SHANK2: variants seen among roughly 807,000 people sequenced by gnomAD.
SHANK2 encodes SH3 and multiple ankyrin repeat domains 2.
Under a neutral mutation model 133.7 loss-of-function variants are expected in SHANK2, and 43 were observed. That is an observed-to-expected ratio of 0.32 (90% CI 0.25 to 0.41). The LOEUF (loss-of-function observed/expected upper bound fraction) is 0.41, where lower values mean the gene tolerates loss of function less well. SHANK2 is among the 10% of genes least tolerant of loss of function. The pLI is 1.00. For missense variants in SHANK2, 1,994 were observed against 2,235.8 expected, an observed-to-expected ratio of 0.89 and a Z score of 2.18; for synonymous variants, 1,017 against 952.8, an observed-to-expected ratio of 1.07 and a Z score of -1.24.
At chr11:70,869,297 T>C (rs113356457) in intron 11 of SHANK2, among the ~76,000 whole-genome samples, 3 of 152,106 alleles carry the variant, frequency 2.0e-5, no homozygotes, top group Admixed American at 6.5e-5. Context: ...TCATACACCA[T>C]AGATCCCGAC....
chr11:70,664,287 C>A (rs1213625862), intron 15 of SHANK2, among the ~76,000 whole-genome samples: 1 of 152,176 alleles, frequency 6.6e-6, no homozygotes, highest in African/African-American at 2.4e-5. Flanking sequence ...GGAGTCAGCC[C>A]ACCCCGGCCC....
intron 10 of SHANK2, among the ~76,000 whole-genome samples, chr11:70,955,523 T>C (rs1177528023): frequency 1.3e-5 from 2 of 152,076 alleles, no homozygotes; most frequent in African/African-American, 2.4e-5. Context: ...TGTGTCTATG[T>C]ATATATTTGT....
chr11:70,583,064 G>A (rs1349496005), intron 17 of SHANK2, among the ~76,000 whole-genome samples: 1 of 152,148 alleles, frequency 6.6e-6, no homozygotes, highest in Non-Finnish European at 1.5e-5. Flanking sequence ...GGGGGACAGA[G>A]GGAAGATTGG....
intron 2 of SHANK2, among the ~76,000 whole-genome samples, chr11:71,204,983 C>A (rs1555117774): frequency 1.3e-5 from 2 of 152,056 alleles, no homozygotes; most frequent in Non-Finnish European, 2.9e-5. Flanking sequence ...GTGATGTCAG[C>A]CTGGCCTCCC....
At chr11:71,103,590 A>T (rs1951753044) in intron 6 of SHANK2, among the ~76,000 whole-genome samples, 1 of 152,144 alleles carries the variant, frequency 6.6e-6, no homozygotes, top group Admixed American at 6.5e-5. Flanking sequence ...GAACTCTATT[A>T]AAGGTGACGC....
intron 9 of SHANK2, among the ~76,000 whole-genome samples, chr11:71,070,929 G>T (rs977790778): frequency 2.6e-5 from 4 of 152,336 alleles, no homozygotes; most frequent in South Asian, 2.1e-4. Flanking sequence ...GGCAGCTGAG[G>T]CATAGGACAG....
At chr11:70,594,283 C>T (rs962595313) in intron 17 of SHANK2, among the ~76,000 whole-genome samples, 1 of 152,154 alleles carries the variant, frequency 6.6e-6, no homozygotes. Flanking sequence ...CACGAAAGAT[C>T]GCGTTACGTG....
chr11:70,558,211 G>A (rs1291091149), intron 17 of SHANK2, among the ~76,000 whole-genome samples: 1 of 152,226 alleles, frequency 6.6e-6, no homozygotes, highest in Admixed American at 6.5e-5. Flanking sequence ...CCGACTGGAG[G>A]CTCATTCACC....
intron 9 of SHANK2, among the ~76,000 whole-genome samples, chr11:71,062,626 G>A (rs1020599956): frequency 3.3e-5 from 5 of 152,174 alleles, no homozygotes; most frequent in Admixed American, 2.0e-4. Flanking sequence ...CAGAATATGA[G>A]AGCCCTGCTC....
chr11:71,203,007 T>C (rs1169348267), intron 2 of SHANK2, among the ~76,000 whole-genome samples: 3 of 152,180 alleles, frequency 2.0e-5, no homozygotes, highest in Admixed American at 1.3e-4. Flanking sequence ...AAGAAGTAAA[T>C]TGAGATATGG....
chr11:71,092,300 G>A, intron 8 of SHANK2, 122 bp downstream of exon 8: 1 of 1,032,236 alleles, frequency 9.7e-7, no homozygotes, highest in South Asian at 1.4e-5. Context: ...ACTCTGGGCA[G>A]GCCAAACAAA....
At chr11:70,824,892 T>A (rs1437069251) in intron 11 of SHANK2, among the ~76,000 whole-genome samples, 1 of 152,106 alleles carries the variant, frequency 6.6e-6, no homozygotes, top group African/African-American at 2.4e-5. Flanking sequence ...TTACAGAGAT[T>A]ACGTGTTGGA....
intron 17 of SHANK2, among the ~76,000 whole-genome samples, chr11:70,565,848 T>A (rs1414836248): frequency 7.2e-5 from 11 of 152,238 alleles, no homozygotes. Flanking sequence ...TTATTTTTTT[T>A]AATTTTCAAG....
chr11:71,130,930 C>T (rs1265019581), intron 3 of SHANK2, among the ~76,000 whole-genome samples: 2 of 152,228 alleles, frequency 1.3e-5, no homozygotes, highest in Non-Finnish European at 2.9e-5. Context: ...TTTCTGAGCA[C>T]GTCATTCATT....
Position 71,190,752 on chromosome 11 carries a change from G to A in SHANK2, c.-13+33945C>T, listed in dbSNP as rs543661345. Among the ~76,000 whole-genome samples the A allele has an allele frequency of 3.3e-5, 5 of 152,296 alleles. No homozygotes were observed. In the South Asian group the frequency reaches 6.2e-4, roughly 19 times the overall value. On this transcript the variant is annotated intron_variant, in intron 2 of 25. Coordinates refer to ENST00000601538, the MANE Select transcript of SHANK2 (RefSeq NM_012309.5). ...AGGCTTCTGCAGGTCAGGCAGAGCCGAGTCCCAATCCCACGGCTCCACCCT... is the reference window on the plus strand; with the variant it reads ...AGGCTTCTGCAGGTCAGGCAGAGCCAAGTCCCAATCCCACGGCTCCACCCT...
intron 17 of SHANK2, among the ~76,000 whole-genome samples, chr11:70,519,504 C>T (rs1046255111): frequency 3.9e-5 from 6 of 151,934 alleles, no homozygotes; most frequent in Admixed American, 2.0e-4. Context: ...AAAATTAGCT[C>T]GACGTGGTAG....
chr11:71,163,093 A>AAAAATAT, intron 2 of SHANK2, among the ~76,000 whole-genome samples: 3 of 84,708 alleles, frequency 3.5e-5, no homozygotes, highest in African/African-American at 1.4e-4. Context: ...AAAAAAAAAA[A>AAAAATAT]ATACATATAT....
At chr11:71,230,570 A>G (rs1274008436) in intron 1 of SHANK2, among the ~76,000 whole-genome samples, 1 of 149,070 alleles carries the variant, frequency 6.7e-6, no homozygotes, top group African/African-American at 2.4e-5. Context: ...CTCTGTCTCA[A>G]AAAAAAAAAA....
At chr11:70,899,442 C>G (rs1949992969) in intron 10 of SHANK2, among the ~76,000 whole-genome samples, 1 of 152,166 alleles carries the variant, frequency 6.6e-6, no homozygotes. Flanking sequence ...TATAAATCAC[C>G]CAGTCTCAGG....
Sources: allele counts gnomAD v4.1 joint callset (sites outside exome capture counted in the v4.1 genomes callset), GRCh38; gene constraint gnomAD v4.1.1; transcripts MANE v1.5; gene names NCBI Gene and HGNC (gene_info 2026-07-23, HGNC 2026-07-21).